Variants in LZTS2 observed in about 807,000 individuals in gnomAD.
LZTS2 encodes leucine zipper putative tumor suppressor 2.
LZTS2 carries 32 observed loss-of-function variants against 60.6 expected under a neutral mutation model. The ratio of observed to expected loss-of-function variants is 0.53; its 90% confidence interval spans 0.40 to 0.71. LZTS2 has a LOEUF of 0.71. LZTS2 is among the 30% of genes least tolerant of loss of function. The pLI, the probability that LZTS2 is intolerant of heterozygous loss-of-function variation, is 0.00. For synonymous variants in LZTS2, 360 were observed against 393.1 expected (o/e 0.92, Z 1.00); for missense variants, 792 against 901.9 (o/e 0.88, Z 1.56).
exon 2 of LZTS2, chr10:101,003,539 C>T: frequency 1.3e-6 from 2 of 1,530,076 alleles, no homozygotes; most frequent in Non-Finnish European, 1.8e-6. Context: ...GCCCAACAGC[C>T]TTCAAGCCAG....
chr10:101,000,790 G>A (rs1163384674), exon 1 of LZTS2: 1 of 152,338 alleles, frequency 6.6e-6, no homozygotes, highest in Non-Finnish European at 1.5e-5. Flanking sequence ...GGGGGCTGGG[G>A]TGTGTGGGGT....
chr10:100,999,032 G>C (rs1179547746), upstream of LZTS2: 1 of 152,520 alleles, frequency 6.6e-6, no homozygotes, highest in African/African-American at 2.4e-5. Flanking sequence ...CGTGAGGCTG[G>C]TGTAGGTTTG....
At chr10:101,003,890 C>A in exon 2 of LZTS2, 1 of 1,612,628 alleles carries the variant, frequency 6.2e-7, no homozygotes, top group Non-Finnish European at 8.5e-7. Context: ...CCCGAGGGGT[C>A]CCTACTGGGC....
Position 101,003,833 on chromosome 10 carries a change from G to A in LZTS2, c.735G>A (p.Gly245=), listed in dbSNP as rs201487393. The change falls in exon 2 of 4, where the codon GGG becomes GGA. Residue 245 remains glycine, a synonymous_variant. Transcript: ENST00000370220. ...AGCCAACCACCAGCTCCCCAGGCGG[G>A]CACCTGCCTTCCCATGGCTCTGGGC... 1.6e-5 allele frequency: 26 copies of A among 1,613,428 alleles called. No individual in the cohort carries two copies. The Admixed American group carries it at 2.7e-4, about 17-fold the overall frequency.
At chr10:101,007,725 C>G in exon 4 of LZTS2, 1 of 909,042 alleles carries the variant, frequency 1.1e-6, no homozygotes, top group Non-Finnish European at 1.3e-6. Flanking sequence ...CAAGCAGCCT[C>G]TCCCTTCACC....
At chr10:101,005,550 A>ACAGCTGCTG in exon 3 of LZTS2, 1 of 1,609,274 alleles carries the variant, frequency 6.2e-7, no homozygotes, top group South Asian at 1.1e-5. Context: ...AGCGGGCCCA[A>ACAGCTGCTG]CAGCTGCTGC....
At chr10:101,007,344 A>T (rs1852243834) in exon 4 of LZTS2, 1 of 1,416,046 alleles carries the variant, frequency 7.1e-7, no homozygotes, top group Non-Finnish European at 9.2e-7. Context: ...TATGACTTGG[A>T]GGAGCAAGAT....
rs201873754 is a variant in LZTS2 at position 101,007,817 on chromosome 10, A to AT, written c.*656dup. 1,018 of 287,222 alleles carry AT rather than the reference A, an allele frequency of 3.5e-3. 15 individuals are homozygous for AT. Among genetic ancestry groups the AT allele is most frequent in the African/African-American group, 0.024 (973 of 40,818 alleles). The allele number at this position is 287,222 out of a possible 1,614,324, so 17.8% of individuals were successfully genotyped here. A position where few individuals can be genotyped will look rare whatever the true frequency, so the allele number is the denominator to read the frequency against. On this transcript the variant is annotated 3_prime_UTR_variant, in exon 4 of 4. Coordinates refer to ENST00000370220, the Ensembl canonical transcript of LZTS2. The stretch of plus-strand genomic sequence containing the variant: ...AAACCCAAAGAAAAAATTAAAAAAA[A>AT]TTTTTTTGTTTAAAAATAATGTGAA...
upstream of LZTS2, chr10:100,998,382 G>A (rs1347954054): frequency 6.6e-6 from 1 of 152,654 alleles, no homozygotes; most frequent in Admixed American, 6.5e-5. Flanking sequence ...GAGGGGCTCA[G>A]TCTGTTCTTG....
chr10:100,997,143 C>T (rs3740491), upstream of LZTS2: 1 of 152,530 alleles, frequency 6.6e-6, no homozygotes, highest in Admixed American at 6.5e-5. Context: ...AGTTCGGAGC[C>T]GGCTAGGGAG....
chr10:100,996,918 A>G (rs1316621496), upstream of LZTS2, among the ~76,000 whole-genome samples: 2 of 152,206 alleles, frequency 1.3e-5, no homozygotes, highest in East Asian at 3.8e-4. Context: ...AAATCCAGTA[A>G]GCTGTGAAGT....
chr10:101,007,114 G>A (rs1480767952), exon 4 of LZTS2: 2 of 1,609,952 alleles, frequency 1.2e-6, no homozygotes, highest in East Asian at 4.5e-5. Context: ...ACCTGGGCCT[G>A]GCCGAGCAGG....
exon 1 of LZTS2, chr10:101,001,740 CCTT>C (rs1267475713): frequency 6.6e-6 from 1 of 152,248 alleles, no homozygotes; most frequent in African/African-American, 2.4e-5. Context: ...AGTTTGGGGA[CCTT>C]CTGAAGCTGT....
upstream of LZTS2, among the ~76,000 whole-genome samples, chr10:100,998,004 G>GC (rs1851950289): frequency 6.6e-6 from 1 of 152,304 alleles, no homozygotes; most frequent in East Asian, 1.9e-4. Flanking sequence ...GTGGACAGCT[G>GC]CCCCCGCCTG....
In LZTS2 at chr10:101,005,845, G is replaced by C. The variant is rs115598766; in HGVS notation, c.1326+130G>C. The C allele has an allele frequency of 2.8e-3, 3,542 of 1,266,370 alleles. 86 individuals are homozygous for C. The African/African-American group carries it at 0.048, about 17-fold the overall frequency. The allele number at this position is 1,266,370 out of a possible 1,614,324, so 78.4% of individuals were successfully genotyped here. A position where few individuals can be genotyped will look rare whatever the true frequency, so the allele number is the denominator to read the frequency against. ...CCCCTTTCTCACCTCCGTGAGATGA[G>C]GTTCCCCTCTGTCCCTTTCTGGGAG... On this transcript the variant is annotated intron_variant, in intron 3 of 3. Coordinates refer to ENST00000370220, the Ensembl canonical transcript of LZTS2.
At chr10:100,998,565 G>C (rs1376473502), upstream of LZTS2, 1 of 152,378 alleles carries the variant, frequency 6.6e-6, no homozygotes, top group Non-Finnish European at 1.5e-5. Context: ...AGCTCCGGCA[G>C]GCCTTGGCCC....
exon 1 of LZTS2, chr10:101,002,439 A>G (rs754876655): frequency 3.1e-5 from 38 of 1,211,442 alleles, no homozygotes; most frequent in Non-Finnish European, 4.1e-5. Flanking sequence ...GGTCAGGATC[A>G]GTGGGTCAGG....
upstream of LZTS2, among the ~76,000 whole-genome samples, chr10:100,999,312 C>A (rs1280091559): frequency 1.3e-5 from 2 of 152,230 alleles, no homozygotes; most frequent in African/African-American, 4.8e-5. Context: ...GCCTCCAACC[C>A]GCCGTGGGGC....
chr10:101,003,051 C>A, intron 1 of LZTS2, 105 bp downstream of exon 2: 3 of 1,361,800 alleles, frequency 2.2e-6, no homozygotes, highest in Non-Finnish European at 2.9e-6. Flanking sequence ...GCTCCAGATT[C>A]ACCAGACCTG....
Sources: gnomAD v4.1 joint callset for allele counts (sites outside exome capture counted in the v4.1 genomes callset) on GRCh38, gnomAD v4.1.1 for gene constraint, MANE v1.5 for transcripts, NCBI Gene and HGNC (gene_info 2026-07-23, HGNC 2026-07-21) for gene names.